TAPBPL: variants seen among roughly 807,000 people sequenced by gnomAD.
TAPBPL encodes TAP binding protein like.
In TAPBPL, 32 loss-of-function variants were observed where a neutral mutation model predicts 44.8. That is an observed-to-expected ratio of 0.71 (90% confidence interval 0.54 to 0.96). The LOEUF is 0.96. Ranked by LOEUF, TAPBPL falls within the 40% of genes least tolerant of loss-of-function variation. The pLI, the probability that TAPBPL is intolerant of heterozygous loss-of-function variation, is 0.00. For missense variants in TAPBPL, 520 were observed against 586.6 expected, an observed-to-expected ratio of 0.89 and a Z score of 1.17; for synonymous variants, 230 against 240.7, an observed-to-expected ratio of 0.96 and a Z score of 0.41.
chr12:6,457,028 G>A (rs1176424663), intron 3 of TAPBPL, among the ~76,000 whole-genome samples: 3 of 152,222 alleles, frequency 2.0e-5, no homozygotes, highest in African/African-American at 7.2e-5. Context: ...GTAACACCAA[G>A]TGACTTGTCA....
At chr12:6,470,660 G>A (rs1227804876), downstream of TAPBPL, 4 of 1,256,974 alleles carry the variant, frequency 3.2e-6, no homozygotes, top group Non-Finnish European at 4.6e-6. Flanking sequence ...CCGCGGTCTA[G>A]CTGCGCTGGA....
downstream of TAPBPL, chr12:6,463,913 T>A: frequency 7.8e-7 from 1 of 1,287,058 alleles, no homozygotes; most frequent in Non-Finnish European, 1.0e-6. This position sits in a 1 kb window ranked among gnomAD's most constrained non-coding sequence, Gnocchi z 4.0. Flanking sequence ...AAAAAACAAG[T>A]TTTTACTTTC....
intron 3 of TAPBPL, among the ~76,000 whole-genome samples, chr12:6,455,151 CCA>C (rs1444428830): frequency 2.6e-5 from 4 of 152,146 alleles, no homozygotes; most frequent in Non-Finnish European, 5.9e-5. Context: ...TAACAATTTG[CCA>C]CATTCTCTCT....
intron 1 of TAPBPL, 28 bp downstream of exon 1, chr12:6,452,340 C>T: frequency 6.4e-7 from 1 of 1,562,306 alleles, no homozygotes; most frequent in Non-Finnish European, 8.7e-7. Context: ...GGAGAGCTGG[C>T]TGGGAGAAGA....
At chr12:6,468,970 TA>T (rs1200744451), downstream of TAPBPL, among the ~76,000 whole-genome samples, 1 of 152,214 alleles carries the variant, frequency 6.6e-6, no homozygotes, top group East Asian at 1.9e-4. Flanking sequence ...CAAAGTCACC[TA>T]AAAGGAAATT....
intron 5 of TAPBPL, 45 bp downstream of exon 5, chr12:6,458,992 A>C: frequency 1.7e-5 from 27 of 1,583,878 alleles, no homozygotes; most frequent in Non-Finnish European, 2.2e-5. Context: ...ACTAGGGCTC[A>C]TGGCTCTCCT....
intron 1 of TAPBPL, 56 bp downstream of exon 1, chr12:6,452,368 G>A (rs1300679898): frequency 9.1e-6 from 14 of 1,539,644 alleles, no homozygotes; most frequent in Non-Finnish European, 1.2e-5. Flanking sequence ...AAGCCCCAGG[G>A]TGCCACCCTC....
Position 6,453,109 on chromosome 12 carries a change from T to A in TAPBPL, c.107T>A (p.Val36Asp). 1 of 1,581,038 alleles carries A rather than the reference T, an allele frequency of 6.3e-7. No individual in the cohort carries two copies. The highest frequency in any genetic ancestry group is 8.6e-7 in the Non-Finnish European group (1 of 1,163,364). ...GGGCAGTGGCGGGCAGTGGACGTGG[T>A]CCTAGACTGCTTCCTGGCGAAGGAC... ...AEGQWRAVDV[V>D]LDCFLAKDGA... The change falls in exon 2 of 7, where the codon GTC becomes GAC. Residue 36 changes from valine to aspartate, a missense_variant. Physicochemically the swap from Val to Asp is radical, Grantham distance 152. Coordinates refer to ENST00000266556, the MANE Select transcript of TAPBPL (RefSeq NM_018009.5). This position sits in a 1 kb window ranked among gnomAD's most constrained non-coding sequence, Gnocchi z 4.8.
At chr12:6,465,460 A>AAATT (rs1949997808), downstream of TAPBPL, 1 of 113,238 alleles carries the variant, frequency 8.8e-6, no homozygotes, top group African/African-American at 5.0e-5. Flanking sequence ...ACATATGTGT[A>AAATT]TATATAGTGT....
At chr12:6,458,573 G>A (rs1003953656) in intron 4 of TAPBPL, 72 bp from the exon 5 acceptor site, 1 of 1,546,946 alleles carries the variant, frequency 6.5e-7, no homozygotes, top group Non-Finnish European at 8.8e-7. Context: ...TTGGCAGGAA[G>A]AAAAGGCTTC....
Position 6,458,788 on chromosome 12 carries a change from G to A in TAPBPL, c.1048G>A (p.Ala350Thr), listed in dbSNP as rs763682625. 5.6e-6 allele frequency: 9 copies of A among 1,614,132 alleles called. No homozygotes were observed. In the Admixed American group the frequency reaches 1.5e-4, roughly 27 times the overall value. The change falls in exon 5 of 7, where the codon GCC (alanine) becomes ACC (threonine). Residue 350 changes from alanine to threonine, a missense_variant. Coordinates refer to ENST00000266556, the MANE Select transcript of TAPBPL (RefSeq NM_018009.5). ...LGGSPAQVSG[A>T]SFSSLRQSVA... The stretch of plus-strand genomic sequence containing the variant: ...TGGATCCCCAGCCCAAGTCTCTGGT[G>A]CCTCCTTCTCCAGCCTCAGGCAAAG...
chr12:6,464,785 ACCTCAGTCAGAGCAGC>A, downstream of TAPBPL: 3 of 1,581,700 alleles, frequency 1.9e-6, no homozygotes, highest in Non-Finnish European at 2.6e-6. Flanking sequence ...CGGTCTCCAT[ACCTCAGTCAGAGCAGC>A]CCCACTCCCC....
downstream of TAPBPL, chr12:6,464,487 C>T: frequency 6.5e-7 from 1 of 1,528,916 alleles, no homozygotes; most frequent in East Asian, 2.4e-5. Flanking sequence ...AAAAAGTAGA[C>T]TGGACACAGG....
Position 6,453,233 on chromosome 12 carries a change from C to T in TAPBPL, c.231C>T (p.Asp77=), listed in dbSNP as rs762338228. The part of the protein sequence containing the change: ...VPVLDDGSLE[D]FTDFQGGTLA... ...TGCTGGACGATGGCTCCCTGGAGGA[C>T]TTCACCGATTTCCAAGGGGGCACAC... Residue 77 remains aspartate (D), a synonymous_variant, in exon 2 of 7, where the codon GAC becomes GAT. Coordinates refer to ENST00000266556, the MANE Select transcript of TAPBPL (RefSeq NM_018009.5). The surrounding 1 kb of genome is among the most constrained non-coding windows in gnomAD (Gnocchi z 4.8). The T allele has an allele frequency of 6.2e-7, 1 of 1,614,006 alleles. No individual in the cohort carries two copies. Among genetic ancestry groups the T allele is most frequent in the Non-Finnish European group, 8.5e-7 (1 of 1,179,958 alleles).
downstream of TAPBPL, chr12:6,464,854 C>T: frequency 6.2e-7 from 1 of 1,613,750 alleles, no homozygotes; most frequent in African/African-American, 1.3e-5. Context: ...GACCTTCCCA[C>T]CTCTTCACCC....
At position 6,453,239 on chromosome 12, in the gene TAPBPL, C is replaced by A. The variant is rs1237353860; in HGVS notation, c.237C>A (p.Thr79=). 2 of 1,613,976 alleles carry A rather than the reference C, an allele frequency of 1.2e-6. No homozygotes were observed. Among genetic ancestry groups the A allele is most frequent in the Non-Finnish European group, 1.7e-6 (2 of 1,179,972 alleles). ...VLDDGSLEDF[T]DFQGGTLAQD... ...ACGATGGCTCCCTGGAGGACTTCAC[C>A]GATTTCCAAGGGGGCACACTGGCCC... Residue 79 remains threonine, a synonymous_variant, in exon 2 of 7, where the codon ACC becomes ACA. Coordinates refer to ENST00000266556, the MANE Select transcript of TAPBPL (RefSeq NM_018009.5). This position sits in a 1 kb window ranked among gnomAD's most constrained non-coding sequence, Gnocchi z 4.8.
At chr12:6,452,392 A>G (rs1388825340) in intron 1 of TAPBPL, 80 bp downstream of exon 1, 1 of 1,517,888 alleles carries the variant, frequency 6.6e-7, no homozygotes, top group Admixed American at 2.1e-5. Context: ...GAGATTCCAG[A>G]AGAGCAAAGG....
At chr12:6,459,751 T>C (rs1949796125) in intron 5 of TAPBPL, among the ~76,000 whole-genome samples, 1 of 146,082 alleles carries the variant, frequency 6.8e-6, no homozygotes, top group Non-Finnish European at 1.5e-5. Flanking sequence ...TTTATTTATT[T>C]ATTTATTTAT....
chr12:6,464,139 G>A (rs1949945254), downstream of TAPBPL: 10 of 1,379,278 alleles, frequency 7.3e-6, no homozygotes, highest in Non-Finnish European at 9.6e-6. Context: ...AGCTTCATGG[G>A]TACTTCGCCT....
Sources: gnomAD v4.1 joint callset for allele counts (sites outside exome capture counted in the v4.1 genomes callset) on GRCh38, gnomAD v4.1.1 for gene constraint, Gnocchi (gnomAD v3.1) non-coding constraint, MANE v1.5 for transcripts, NCBI Gene and HGNC (gene_info 2026-07-23, HGNC 2026-07-21) for gene names.